Variants in TAFA5 observed in about 807,000 individuals in gnomAD.
TAFA5 encodes chemokine-like protein TAFA-5.
A neutral mutation model predicts 15.3 loss-of-function variants in TAFA5; 6 were observed. The ratio of observed to expected loss-of-function variants is 0.39; its 90% CI spans 0.21 to 0.77. The LOEUF is 0.77. Ranked by LOEUF, TAFA5 falls within the 30% of genes least tolerant of loss-of-function variation. The probability of loss-of-function intolerance (pLI) is 0.41; values close to 1 mark genes in which losing one functional copy is unlikely to be tolerated. For missense variants in TAFA5, 161 were observed against 193.1 expected, an observed-to-expected ratio of 0.83 and a Z score of 0.98; for synonymous variants, 103 against 80.7, an observed-to-expected ratio of 1.28 and a Z score of -1.48.
intron 1 of TAFA5, among the ~76,000 whole-genome samples, chr22:48,568,454 C>A (rs1268348949): frequency 1.3e-5 from 2 of 152,218 alleles, no homozygotes; most frequent in African/African-American, 2.4e-5. Flanking sequence ...GATGAAGATT[C>A]TCTTCTGGGA....
At chr22:48,728,388 G>T (rs948661726) in intron 3 of TAFA5, among the ~76,000 whole-genome samples, 2 of 152,222 alleles carry the variant, frequency 1.3e-5, no homozygotes, top group Non-Finnish European at 2.9e-5. Flanking sequence ...ATCTGCTGGT[G>T]TCCAATGCTG....
At chr22:48,608,105 C>CCCCTCCCACGGCCCCAGGCTGCCAGA (rs1273230280) in intron 1 of TAFA5, among the ~76,000 whole-genome samples, 9 of 151,668 alleles carry the variant, frequency 5.9e-5, no homozygotes, top group Non-Finnish European at 1.2e-4. Flanking sequence ...AGGCTGCCAG[C>CCCCTCCCACGGCCCCAGGCTGCCAGA]CCCTCCCACG....
chr22:48,733,287 C>T (rs943757202), intron 3 of TAFA5, among the ~76,000 whole-genome samples: 1 of 152,204 alleles, frequency 6.6e-6, no homozygotes, highest in Admixed American at 6.5e-5. Context: ...CACAGACCTC[C>T]AGTCAGCCTG....
chr22:48,588,081 G>T (rs1056234181), intron 1 of TAFA5, among the ~76,000 whole-genome samples: 10 of 152,226 alleles, frequency 6.6e-5, no homozygotes, highest in Non-Finnish European at 1.3e-4. Context: ...GGCTCCAGTG[G>T]TTTGGGGGGT....
intron 1 of TAFA5, among the ~76,000 whole-genome samples, chr22:48,617,387 C>A (rs1433899303): frequency 6.6e-6 from 1 of 152,184 alleles, no homozygotes; most frequent in Non-Finnish European, 1.5e-5. Flanking sequence ...TTGACTTTAG[C>A]CAGTGAAGCT....
At chr22:48,517,089 C>T (rs942506362) in intron 1 of TAFA5, among the ~76,000 whole-genome samples, 2 of 152,176 alleles carry the variant, frequency 1.3e-5, no homozygotes, top group African/African-American at 4.8e-5. Context: ...AAGCCCCGTG[C>T]CTATGAAGCA....
chr22:48,701,182 C>T (rs1322786385), intron 2 of TAFA5, among the ~76,000 whole-genome samples: 1 of 152,172 alleles, frequency 6.6e-6, no homozygotes, highest in Non-Finnish European at 1.5e-5. Context: ...CAGTAGAGGA[C>T]ATGGGGCAGA....
intron 1 of TAFA5, among the ~76,000 whole-genome samples, chr22:48,617,988 T>C (rs1267460075): frequency 6.6e-6 from 1 of 152,214 alleles, no homozygotes; most frequent in Non-Finnish European, 1.5e-5. Flanking sequence ...ATGGCCATTT[T>C]TTACAAAGGG....
At position 48,749,996 on chromosome 22, in the gene TAFA5, G is replaced by A; in HGVS notation, c.*149G>A. 1.3e-6 allele frequency: 1 copy of A among 777,476 alleles called. No individual in the cohort carries two copies. The highest frequency in any genetic ancestry group is 2.1e-6 in the Non-Finnish European group (1 of 476,202). The allele number at this position is 777,476 out of a possible 1,614,324, so 48.2% of individuals were successfully genotyped here. On this transcript the variant is annotated 3_prime_UTR_variant, in exon 4 of 4. Transcript: ENST00000402357. The stretch of plus-strand genomic sequence containing the variant: ...CTGTGGTCCGTGAAGGACGGCCTCA[G>A]GCCTTGGCATCCTGAGCTTCGGTCT...
chr22:48,600,463 G>A (rs905266029), intron 1 of TAFA5, among the ~76,000 whole-genome samples: 4 of 152,284 alleles, frequency 2.6e-5, no homozygotes, highest in Non-Finnish European at 5.9e-5. Context: ...GTCATGGTTC[G>A]GCCTTTCCAC....
intron 1 of TAFA5, among the ~76,000 whole-genome samples, chr22:48,578,298 G>A (rs889923145): frequency 5.9e-5 from 9 of 152,208 alleles, no homozygotes; most frequent in African/African-American, 2.2e-4. Flanking sequence ...CCATGTGGCC[G>A]GCCTGTGACA....
At chr22:48,568,093 A>C (rs1601584255) in intron 1 of TAFA5, among the ~76,000 whole-genome samples, 1 of 152,182 alleles carries the variant, frequency 6.6e-6, no homozygotes, top group African/African-American at 2.4e-5. Context: ...TGCGAGTAAA[A>C]CAGCCAAACC....
At chr22:48,571,280 T>C (rs926130206) in intron 1 of TAFA5, among the ~76,000 whole-genome samples, 2 of 142,936 alleles carry the variant, frequency 1.4e-5, no homozygotes, top group African/African-American at 5.1e-5. Flanking sequence ...GCTTTTTTTT[T>C]TTTTTTTTTT....
chr22:48,515,672 G>T (rs1050012941), intron 1 of TAFA5, among the ~76,000 whole-genome samples: 4 of 152,208 alleles, frequency 2.6e-5, no homozygotes, highest in African/African-American at 9.7e-5. Context: ...ACCCGGCCCT[G>T]CTGCATCCAA....
intron 1 of TAFA5, among the ~76,000 whole-genome samples, chr22:48,642,014 C>G (rs1260342029): frequency 6.6e-6 from 1 of 152,120 alleles, no homozygotes; most frequent in Non-Finnish European, 1.5e-5. Flanking sequence ...GGGGGGCAGC[C>G]TGCTGGCATC....
chr22:48,699,846 G>T (rs2147245172), intron 2 of TAFA5, among the ~76,000 whole-genome samples: 1 of 152,342 alleles, frequency 6.6e-6, no homozygotes, highest in South Asian at 2.1e-4. Context: ...CTGAGACGGG[G>T]AGAGGGAAGG....
intron 1 of TAFA5, among the ~76,000 whole-genome samples, chr22:48,605,410 G>GTTGATGGTGATCATGGTGGTA (rs1601610142): frequency 1.9e-4 from 29 of 150,702 alleles, no homozygotes; most frequent in African/African-American, 2.7e-4. Flanking sequence ...TGATGGTGGT[G>GTTGATGGTGATCATGGTGGTA]ATGGTGAGGA....
intron 2 of TAFA5, among the ~76,000 whole-genome samples, chr22:48,682,814 G>A (rs144728597): frequency 1.6e-3 from 247 of 152,072 alleles, no homozygotes; most frequent in Non-Finnish European, 2.7e-3. Flanking sequence ...TTTTTTGTGC[G>A]TGTGTTTATT....
chr22:48,523,031 C>T (rs973471223), intron 1 of TAFA5, among the ~76,000 whole-genome samples: 4 of 152,202 alleles, frequency 2.6e-5, no homozygotes, highest in Non-Finnish European at 5.9e-5. Context: ...TCCTTCCCAG[C>T]AGGAGACCCA....
Sources: allele counts gnomAD v4.1 joint callset (sites outside exome capture counted in the v4.1 genomes callset), GRCh38; gene constraint gnomAD v4.1.1; transcripts MANE v1.5; gene names NCBI Gene and HGNC (gene_info 2026-07-23, HGNC 2026-07-21).